GRM8: variants seen among roughly 807,000 people sequenced by gnomAD.
The protein encoded by GRM8 is metabotropic glutamate receptor 8.
A neutral mutation model predicts 87.2 loss-of-function variants in GRM8; 47 were observed. The observed-to-expected ratio is 0.54, with a 90% CI of 0.43 to 0.69. GRM8 has a LOEUF of 0.69. Ranked by LOEUF, GRM8 falls within the 30% of genes least tolerant of loss-of-function variation. The probability of loss-of-function intolerance (pLI) is 0.00; values close to 1 mark genes in which losing one functional copy is unlikely to be tolerated. For synonymous variants in GRM8, 396 were observed against 404.5 expected, an observed-to-expected ratio of 0.98 and a Z score of 0.25; for missense variants, 1,019 against 1,139.2, an observed-to-expected ratio of 0.89 and a Z score of 1.52.
intron 7 of GRM8, among the ~76,000 whole-genome samples, chr7:126,733,481 A>G (rs568017008): frequency 2.0e-5 from 3 of 151,096 alleles, no homozygotes; most frequent in African/African-American, 7.2e-5. Flanking sequence ...AAAAAAAATA[A>G]AGCCCTGTAA....
intron 7 of GRM8, among the ~76,000 whole-genome samples, chr7:126,618,084 A>G (rs1210121874): frequency 1.3e-5 from 2 of 152,244 alleles, no homozygotes; most frequent in Non-Finnish European, 2.9e-5. Flanking sequence ...TCCTAAGCCA[A>G]AAGAACAAAG....
chr7:127,150,148 C>A (rs1016678344), intron 2 of GRM8, among the ~76,000 whole-genome samples: 2 of 152,002 alleles, frequency 1.3e-5, no homozygotes, highest in East Asian at 1.9e-4. Context: ...ATATACAATA[C>A]AATTTATTTT....
chr7:126,538,547 C>T (rs1349186638), intron 8 of GRM8, among the ~76,000 whole-genome samples: 1 of 151,912 alleles, frequency 6.6e-6, no homozygotes, highest in African/African-American at 2.4e-5. Flanking sequence ...ATTTTAAATA[C>T]ATTGTTTACA....
intron 2 of GRM8, among the ~76,000 whole-genome samples, chr7:127,134,251 C>T (rs1210714333): frequency 6.6e-6 from 1 of 152,162 alleles, no homozygotes; most frequent in Non-Finnish European, 1.5e-5. Context: ...TTGCTAAGTA[C>T]ATTTGTGCTC....
intron 2 of GRM8, among the ~76,000 whole-genome samples, chr7:127,184,589 T>TC (rs1347970741): frequency 6.6e-6 from 1 of 151,868 alleles, no homozygotes; most frequent in Non-Finnish European, 1.5e-5. Context: ...GGCAAGGATG[T>TC]CCCCTCTCAA....
intron 9 of GRM8, among the ~76,000 whole-genome samples, chr7:126,518,474 G>T (rs934119917): frequency 6.6e-6 from 1 of 152,020 alleles, no homozygotes; most frequent in African/African-American, 2.4e-5. Context: ...GTAAAGTACT[G>T]AGTACTGGGC....
At chr7:126,592,293 C>T (rs2151046144) in intron 8 of GRM8, among the ~76,000 whole-genome samples, 1 of 151,906 alleles carries the variant, frequency 6.6e-6, no homozygotes, top group East Asian at 1.9e-4. Context: ...CAGCATCACC[C>T]TGATACCAAA....
intron 5 of GRM8, 22 bp from the exon 6 acceptor site, chr7:126,902,701 T>A (rs754964437): frequency 1.4e-5 from 21 of 1,516,990 alleles, no homozygotes; most frequent in Non-Finnish European, 1.8e-5. Context: ...GAGAAAGGTA[T>A]GATTTTAATA....
At chr7:126,679,729 T>C (rs566292940) in intron 7 of GRM8, among the ~76,000 whole-genome samples, 1 of 152,192 alleles carries the variant, frequency 6.6e-6, no homozygotes, top group Non-Finnish European at 1.5e-5. Flanking sequence ...GAGGGTCTCA[T>C]TAAAGATGGA....
At chr7:126,500,114 C>A (rs1241760955) in intron 9 of GRM8, among the ~76,000 whole-genome samples, 7 of 151,808 alleles carry the variant, frequency 4.6e-5, no homozygotes, top group African/African-American at 7.3e-5. Flanking sequence ...TTGAAATGTA[C>A]AATACATTCT....
At chr7:127,244,382 A>G (rs761724264) in intron 1 of GRM8, among the ~76,000 whole-genome samples, 65 of 152,218 alleles carry the variant, frequency 4.3e-4, no homozygotes, top group Non-Finnish European at 4.4e-4. Context: ...ACTTGAAGTG[A>G]AAAAGGCTAC....
chr7:127,242,008 A>G (rs1050882881), intron 2 of GRM8, among the ~76,000 whole-genome samples: 2 of 152,168 alleles, frequency 1.3e-5, no homozygotes, highest in African/African-American at 4.8e-5. Context: ...CAATATGTAA[A>G]TGCAACATAT....
intron 3 of GRM8, among the ~76,000 whole-genome samples, chr7:126,997,764 A>G (rs1256145341): frequency 6.6e-6 from 1 of 151,898 alleles, no homozygotes; most frequent in African/African-American, 2.4e-5. Flanking sequence ...CAGACCAATA[A>G]CAAAGTAACA....
intron 2 of GRM8, among the ~76,000 whole-genome samples, chr7:127,209,997 G>C (rs1010706706): frequency 3.7e-4 from 57 of 152,122 alleles, no homozygotes; most frequent in Admixed American, 2.7e-3. Flanking sequence ...GTCCTGGGGA[G>C]CAAGCTGTTA....
At chr7:126,915,088 C>T (rs1236002178) in intron 3 of GRM8, among the ~76,000 whole-genome samples, 1 of 152,186 alleles carries the variant, frequency 6.6e-6, no homozygotes, top group African/African-American at 2.4e-5. Context: ...GCTGGGCTCT[C>T]ACTCAGCCAC....
chr7:126,826,483 T>TTTTTTCATGTGTC (rs1326623993), intron 6 of GRM8, among the ~76,000 whole-genome samples: 37 of 152,176 alleles, frequency 2.4e-4, no homozygotes, highest in Middle Eastern at 6.8e-3. Flanking sequence ...ATGATGAGCA[T>TTTTTTCATGTGTC]TTTTTCATGT....
chr7:126,673,901 C>T (rs1806660153), intron 7 of GRM8, among the ~76,000 whole-genome samples: 1 of 151,988 alleles, frequency 6.6e-6, no homozygotes, highest in South Asian at 2.1e-4. Context: ...TAATATTTTC[C>T]CTAATCTTAG....
chr7:126,547,249 T>G (rs1160415912), intron 8 of GRM8, among the ~76,000 whole-genome samples: 10 of 152,064 alleles, frequency 6.6e-5, no homozygotes, highest in Non-Finnish European at 1.5e-4. Context: ...TTTAAAGAAA[T>G]TTTCTGCCAT....
At position 126,815,692 on chromosome 7, in the gene GRM8, G is replaced by A. The variant is rs140081160; in HGVS notation, c.1157-45627C>T. On this transcript the variant is annotated intron_variant, in intron 6 of 10. Transcript: ENST00000339582. Reference sequence around the variant, plus strand: ...ATGCCCTGTAGAAATTTTTCTCACAGCCTGAATTGGGCAATTTAGGTTCTT... The same window carrying A: ...ATGCCCTGTAGAAATTTTTCTCACAACCTGAATTGGGCAATTTAGGTTCTT... Among the ~76,000 whole-genome samples the A allele has an allele frequency of 5.9e-5, 9 of 152,218 alleles. No homozygotes were observed. The East Asian group carries it at 1.5e-3, about 26-fold the overall frequency.
Sources: gnomAD v4.1 joint callset for allele counts (sites outside exome capture counted in the v4.1 genomes callset) on GRCh38, gnomAD v4.1.1 for gene constraint, MANE v1.5 for transcripts, NCBI Gene and HGNC (gene_info 2026-07-23, HGNC 2026-07-21) for gene names.